The following SCHIP1 variants were observed in gnomAD, a reference collection of about 807,000 sequenced individuals.
SCHIP1 encodes the protein schwannomin-interacting protein 1.
Under a neutral mutation model 29.7 loss-of-function variants are expected in SCHIP1, and 8 were observed. That is an observed-to-expected ratio of 0.27 (90% CI 0.16 to 0.49). The LOEUF is 0.49. Among genes scored for constraint, SCHIP1 ranks in the 20% least tolerant of loss-of-function variants. The probability of loss-of-function intolerance (pLI) is 0.99; values close to 1 mark genes in which losing one functional copy is unlikely to be tolerated. For missense variants in SCHIP1, 193 were observed against 294.6 expected, an observed-to-expected ratio of 0.66 and a Z score of 2.52; for synonymous variants, 76 against 94.9, an observed-to-expected ratio of 0.80 and a Z score of 1.16.
At chr3:159,604,443 A>G in the SCHIP1 span, among the ~76,000 whole-genome samples, 2 of 152,178 alleles carry the variant, frequency 1.3e-5, no homozygotes, top group African/African-American at 2.4e-5. Flanking sequence ...AAAGCATGAT[A>G]CGGGTGACCA....
the SCHIP1 span, among the ~76,000 whole-genome samples, chr3:159,645,270 C>T: frequency 6.6e-6 from 1 of 152,078 alleles, no homozygotes; most frequent in Admixed American, 6.6e-5. Context: ...CAGGCTTGAC[C>T]CTCTGATCAG....
At chr3:159,888,719 G>A in intron 4 of SCHIP1, 101 bp from the exon 6 acceptor site, 1 of 1,510,036 alleles carries the variant, frequency 6.6e-7, no homozygotes, top group East Asian at 2.3e-5. Flanking sequence ...CTGAATTGCA[G>A]TGGGTGGGTG....
intron 1 of SCHIP1, among the ~76,000 whole-genome samples, chr3:159,849,497 T>C (rs898813908): frequency 2.6e-5 from 4 of 152,196 alleles, no homozygotes; most frequent in African/African-American, 9.6e-5. Flanking sequence ...ATATTGTAGC[T>C]GAACCCCAAG....
At chr3:159,273,689 T>C in the SCHIP1 span, 3 of 1,461,094 alleles carry the variant, frequency 2.1e-6, no homozygotes, top group South Asian at 2.9e-5. Flanking sequence ...ATCACTTATT[T>C]AGTGTGTGTT....
chr3:159,879,941 G>C (rs1304786634), intron 2 of SCHIP1, among the ~76,000 whole-genome samples: 1 of 152,162 alleles, frequency 6.6e-6, no homozygotes, highest in African/African-American at 2.4e-5. Context: ...CAGAATGGCC[G>C]GTGTGCTTAC....
At chr3:159,774,897 T>G in the SCHIP1 span, among the ~76,000 whole-genome samples, 4 of 152,208 alleles carry the variant, frequency 2.6e-5, no homozygotes, top group African/African-American at 4.8e-5. Context: ...GTATGTGTAA[T>G]CAAATAACCT....
chr3:159,809,192 G>C, the SCHIP1 span, among the ~76,000 whole-genome samples: 1 of 144,180 alleles, frequency 6.9e-6, no homozygotes, highest in Non-Finnish European at 1.5e-5. Context: ...CTGTGTCCAT[G>C]TGTTCTCATT....
chr3:159,299,246 G>T, the SCHIP1 span, among the ~76,000 whole-genome samples: 1 of 152,152 alleles, frequency 6.6e-6, no homozygotes, highest in African/African-American at 2.4e-5. Context: ...AAATTAGTCT[G>T]CACAGGAAGA....
At chr3:159,737,704 T>C in the SCHIP1 span, among the ~76,000 whole-genome samples, 1 of 152,238 alleles carries the variant, frequency 6.6e-6, no homozygotes, top group African/African-American at 2.4e-5. Context: ...CTCAGATTTA[T>C]GTGAAAAGTG....
chr3:159,575,720 C>G, the SCHIP1 span, among the ~76,000 whole-genome samples: 294 of 152,280 alleles, frequency 1.9e-3, 1 homozygote, highest in Non-Finnish European at 3.1e-4. Flanking sequence ...CAGGCATGAG[C>G]CACTGTGCCC....
At chr3:159,334,616 G>T in the SCHIP1 span, among the ~76,000 whole-genome samples, 6 of 152,086 alleles carry the variant, frequency 3.9e-5, no homozygotes, top group African/African-American at 1.4e-4. Context: ...TCTATGAAAA[G>T]ACATATAAAT....
chr3:159,308,086 T>A, the SCHIP1 span, among the ~76,000 whole-genome samples: 1 of 152,154 alleles, frequency 6.6e-6, no homozygotes, highest in Admixed American at 6.6e-5. Context: ...CATATGAATT[T>A]TAGAATAGTT....
chr3:159,339,993 T>G, the SCHIP1 span, among the ~76,000 whole-genome samples: 5 of 152,192 alleles, frequency 3.3e-5, no homozygotes, highest in African/African-American at 9.6e-5. Context: ...ATTAGAATAA[T>G]TCTAATAACC....
At chr3:159,713,206 A>AAGAG in the SCHIP1 span, among the ~76,000 whole-genome samples, 24 of 140,520 alleles carry the variant, frequency 1.7e-4, no homozygotes, top group East Asian at 8.3e-4. Flanking sequence ...GAAAGAAAGA[A>AAGAG]AGAGAGAGAG....
At chr3:159,538,423 T>C in the SCHIP1 span, among the ~76,000 whole-genome samples, 1 of 152,148 alleles carries the variant, frequency 6.6e-6, no homozygotes, top group Non-Finnish European at 1.5e-5. Context: ...ATTTTAATGC[T>C]CCCTTTCAAA....
chr3:159,643,582 G>C, the SCHIP1 span, among the ~76,000 whole-genome samples: 1 of 152,086 alleles, frequency 6.6e-6, no homozygotes, highest in Non-Finnish European at 1.5e-5. Context: ...TGAGGAAAGA[G>C]ATTATTTGAA....
the SCHIP1 span, among the ~76,000 whole-genome samples, chr3:159,694,143 C>A: frequency 6.6e-6 from 1 of 152,122 alleles, no homozygotes; most frequent in Non-Finnish European, 1.5e-5. Context: ...ATAAACAAAG[C>A]CCTATCTGGG....
chr3:159,665,054 C>CCG, the SCHIP1 span, among the ~76,000 whole-genome samples: 4 of 152,078 alleles, frequency 2.6e-5, no homozygotes, highest in African/African-American at 9.7e-5. Flanking sequence ...TTACAATCAC[C>CCG]GGGGGGACTT....
the SCHIP1 span, among the ~76,000 whole-genome samples, chr3:159,612,678 C>G: frequency 6.6e-6 from 1 of 152,014 alleles, no homozygotes; most frequent in African/African-American, 2.4e-5. Flanking sequence ...ACCGGGGAGG[C>G]GGAGGTTGCA....
Sources: gnomAD v4.1 joint callset for allele counts (sites outside exome capture counted in the v4.1 genomes callset) on GRCh38, gnomAD v4.1.1 for gene constraint, MANE v1.5 for transcripts, NCBI Gene and HGNC (gene_info 2026-07-23, HGNC 2026-07-21) for gene names.